Variants in PEAK1 observed in about 807,000 individuals in gnomAD.
PEAK1 encodes inactive tyrosine-protein kinase PEAK1.
In PEAK1, 54 loss-of-function variants were observed where a neutral mutation model predicts 124.7. The observed-to-expected ratio is 0.43, with a 90% CI of 0.35 to 0.54. The LOEUF is 0.54. Ranked by LOEUF, PEAK1 falls within the 20% of genes least tolerant of loss-of-function variation. The pLI is 0.01. For missense variants in PEAK1, 2,046 were observed against 2,134.5 expected, an observed-to-expected ratio of 0.96 and a Z score of 0.82; for synonymous variants, 719 against 760.0, an observed-to-expected ratio of 0.95 and a Z score of 0.89.
chr15:77,354,821 C>T (rs868215725), intron 2 of PEAK1, among the ~76,000 whole-genome samples: 4 of 152,118 alleles, frequency 2.6e-5, no homozygotes, highest in African/African-American at 4.8e-5. Context: ...TGGAGGATCA[C>T]GAGGTCAGGA....
Position 77,115,130 on chromosome 15 carries a change from C to T in PEAK1, c.4267G>A (p.Glu1423Lys). ...CCATCCGTTTCTCCTTTGGCGTCTT[C>T]TTCAGTCTCTTCCATGTCATCCTCA... is the stretch of plus-strand genomic sequence containing the variant. Reference protein sequence around the residue: ...KDEDDMEETEEDAKGETDGKN... With the variant: ...KDEDDMEETEKDAKGETDGKN... Residue 1423 changes from glutamate to lysine, a missense_variant, in exon 10 of 10, where the codon GAA (glutamate) becomes AAA (lysine). Coordinates refer to ENST00000682557, the MANE Select transcript of PEAK1 (RefSeq NM_001385026.1). 6.2e-7 allele frequency: 1 copy of T among 1,614,152 alleles called. No individual in the cohort carries two copies. Among genetic ancestry groups the T allele is most frequent in the Non-Finnish European group, 8.5e-7 (1 of 1,180,018 alleles).
At chr15:77,286,746 G>C (rs1048700535) in intron 2 of PEAK1, among the ~76,000 whole-genome samples, 1 of 152,110 alleles carries the variant, frequency 6.6e-6, no homozygotes, top group Non-Finnish European at 1.5e-5. Flanking sequence ...AAATAAATTT[G>C]TTCCTTACTT....
chr15:77,332,202 A>G, intron 2 of PEAK1: 2 of 977,116 alleles, frequency 2.0e-6, no homozygotes, highest in Middle Eastern at 5.3e-4. Flanking sequence ...TCTCCTCACT[A>G]ACAATGCATA....
At chr15:77,185,827 A>G (rs2152827397) in intron 6 of PEAK1, among the ~76,000 whole-genome samples, 1 of 152,308 alleles carries the variant, frequency 6.6e-6, no homozygotes, top group South Asian at 2.1e-4. Flanking sequence ...AAAAAACAGG[A>G]AAGAGGAAAG....
intron 7 of PEAK1, among the ~76,000 whole-genome samples, chr15:77,160,311 A>G (rs999564417): frequency 2.2e-4 from 34 of 152,182 alleles, no homozygotes; most frequent in African/African-American, 8.0e-4. Context: ...CAAGAAAGGG[A>G]AAATGTTTTC....
chr15:77,118,617 A>G (rs1303043236), intron 9 of PEAK1, among the ~76,000 whole-genome samples: 1 of 152,206 alleles, frequency 6.6e-6, no homozygotes, highest in East Asian at 1.9e-4. Context: ...TCTTTCTTGA[A>G]AAGAATTCAC....
chr15:77,138,460 C>T (rs1293718686), intron 8 of PEAK1, among the ~76,000 whole-genome samples: 2 of 152,114 alleles, frequency 1.3e-5, no homozygotes, highest in Non-Finnish European at 2.9e-5. Context: ...TTAACCTTAG[C>T]TTACTTAACT....
At chr15:77,300,842 A>ATTATTTAT (rs375319792) in intron 2 of PEAK1, among the ~76,000 whole-genome samples, 5 of 151,662 alleles carry the variant, frequency 3.3e-5, no homozygotes, top group East Asian at 1.9e-4. Context: ...AAAACCAGTA[A>ATTATTTAT]TTATTTATTT....
intron 6 of PEAK1, among the ~76,000 whole-genome samples, chr15:77,240,335 T>C (rs2060298707): frequency 1.3e-5 from 2 of 152,144 alleles, no homozygotes; most frequent in African/African-American, 4.8e-5. Flanking sequence ...AAATGTTTTG[T>C]TTGGCTGGGT....
At chr15:77,418,177 A>G in intron 1 of PEAK1, 1 of 985,348 alleles carries the variant, frequency 1.0e-6, no homozygotes, top group Non-Finnish European at 1.2e-6. Flanking sequence ...TTGAGGTATC[A>G]TAATAGTTCA....
intron 2 of PEAK1, among the ~76,000 whole-genome samples, chr15:77,294,234 G>C (rs2063368939): frequency 6.6e-6 from 1 of 151,984 alleles, no homozygotes; most frequent in Non-Finnish European, 1.5e-5. Flanking sequence ...AGAACACACA[G>C]GTACTTTGTG....
chr15:77,251,935 C>G (rs1258221471), intron 6 of PEAK1, among the ~76,000 whole-genome samples: 1 of 152,186 alleles, frequency 6.6e-6, no homozygotes, highest in Non-Finnish European at 1.5e-5. Context: ...ACAAAGTACC[C>G]CTGCTCTGCA....
chr15:77,254,397 T>C (rs2061029322), intron 5 of PEAK1, among the ~76,000 whole-genome samples: 1 of 152,188 alleles, frequency 6.6e-6, no homozygotes, highest in African/African-American at 2.4e-5. Context: ...TTATTTTTTA[T>C]TTTCTAACCA....
At chr15:77,223,941 G>T (rs1366684839) in intron 6 of PEAK1, among the ~76,000 whole-genome samples, 1 of 133,890 alleles carries the variant, frequency 7.5e-6, no homozygotes, top group African/African-American at 2.8e-5. Flanking sequence ...GTTAGGTTTA[G>T]AAAACACTCA....
chr15:77,299,508 T>C (rs1244530552), intron 2 of PEAK1, among the ~76,000 whole-genome samples: 1 of 152,328 alleles, frequency 6.6e-6, no homozygotes, highest in African/African-American at 2.4e-5. Context: ...ATTCCACTAA[T>C]GTCTTTTGTA....
At chr15:77,141,534 T>C (rs550845977) in intron 8 of PEAK1, among the ~76,000 whole-genome samples, 1 of 152,154 alleles carries the variant, frequency 6.6e-6, no homozygotes, top group Non-Finnish European at 1.5e-5. Context: ...GGCAGGCTCA[T>C]CCTAAAATTC....
intron 1 of PEAK1, among the ~76,000 whole-genome samples, chr15:77,379,808 A>C (rs1216019403): frequency 1.3e-5 from 2 of 152,164 alleles, no homozygotes; most frequent in Non-Finnish European, 2.9e-5. Context: ...ACCAAGACTA[A>C]ATGCTGTTTC....
intron 5 of PEAK1, 145 bp from the exon 6 acceptor site, chr15:77,252,671 G>T: frequency 2.3e-6 from 1 of 443,760 alleles, no homozygotes; most frequent in Non-Finnish European, 3.0e-6. Flanking sequence ...TTTCTACTTA[G>T]GTGGAGACAC....
chr15:77,157,538 G>A (rs1297576400), intron 8 of PEAK1: 3 of 152,280 alleles, frequency 2.0e-5, no homozygotes, highest in African/African-American at 7.2e-5. Flanking sequence ...CACCTCTGAA[G>A]TAATTTAGCT....
Sources: allele counts gnomAD v4.1 joint callset (sites outside exome capture counted in the v4.1 genomes callset), GRCh38; gene constraint gnomAD v4.1.1; transcripts MANE v1.5; gene names NCBI Gene and HGNC (gene_info 2026-07-23, HGNC 2026-07-21).